RUFY4: variants seen among roughly 807,000 people sequenced by gnomAD.
The protein encoded by RUFY4 is RUN and FYVE domain containing 4, also known as RUN and FYVE domain-containing protein 4.
A neutral mutation model predicts 69.0 loss-of-function variants in RUFY4; 73 were observed. The ratio of observed to expected loss-of-function variants is 1.06; its 90% CI spans 0.88 to 1.29. The LOEUF (loss-of-function observed/expected upper bound fraction) is 1.29. RUFY4 is among the 50% of genes most tolerant of loss of function. The pLI, the probability that RUFY4 is intolerant of heterozygous loss-of-function variation, is 0.00. For missense variants in RUFY4, 770 were observed against 705.6 expected (o/e 1.09, Z -1.03); for synonymous variants, 287 against 271.8 (o/e 1.06, Z -0.55).
At chr2:218,073,967 C>T in intron 6 of RUFY4, 82 bp downstream of exon 8, 1 of 1,370,542 alleles carries the variant, frequency 7.3e-7, no homozygotes, top group Non-Finnish European at 1.0e-6. Flanking sequence ...CTGAGCTTCC[C>T]CCTCCGAGTG....
upstream of RUFY4, among the ~76,000 whole-genome samples, chr2:218,069,872 G>A (rs56025616): frequency 5.6e-4 from 86 of 152,236 alleles, 3 homozygotes; most frequent in Admixed American, 5.0e-3. Context: ...TGGGCCCCAG[G>A]ACCCATGGGG....
chr2:218,072,352 C>T, intron 2 of RUFY4, 22 bp from the exon 5 acceptor site: 1 of 1,536,902 alleles, frequency 6.5e-7, no homozygotes, highest in Non-Finnish European at 8.7e-7. Context: ...TCTACACTTT[C>T]TTTGCCTCAT....
Position 218,070,724 on chromosome 2 carries a change from C to A in RUFY4, c.47-29C>A, listed in dbSNP as rs369602770. ...CAGGGTCTGGGAGCCCCTCCCTCAG[C>A]GACCTGACATCTGCCATCCTCCCAG... On this transcript the variant is annotated intron_variant, in intron 1 of 10. Transcript: ENST00000344321. 1.6e-5 allele frequency: 24 copies of A among 1,534,928 alleles called. No individual in the cohort carries two copies. The East Asian group carries it at 5.1e-4, about 33-fold the overall frequency.
chr2:218,039,983 A>G (rs762260778), intron 2 of RUFY4, among the ~76,000 whole-genome samples: 35 of 139,382 alleles, frequency 2.5e-4, no homozygotes, highest in Non-Finnish European at 3.5e-4. Context: ...ATTGCCCCCA[A>G]TTTGCTCCTA....
chr2:218,036,980 G>A (rs545631592), intron 2 of RUFY4, among the ~76,000 whole-genome samples: 1 of 152,166 alleles, frequency 6.6e-6, no homozygotes, highest in Non-Finnish European at 1.5e-5. Flanking sequence ...AAATTGGATT[G>A]GAGGAATCTA....
chr2:218,072,833 G>A, exon 4 of RUFY4: 3 of 1,536,238 alleles, frequency 2.0e-6, no homozygotes, highest in Non-Finnish European at 2.6e-6. Context: ...CCTGGCCCGT[G>A]GGCAGCTGGC....
At chr2:218,084,692 A>T (rs1689850398) in intron 9 of RUFY4, among the ~76,000 whole-genome samples, 1 of 152,198 alleles carries the variant, frequency 6.6e-6, no homozygotes. Flanking sequence ...TCATGAAAGA[A>T]TTTAAGGTAG....
chr2:218,088,729 G>T (rs1689951711), intron 9 of RUFY4, among the ~76,000 whole-genome samples: 1 of 152,148 alleles, frequency 6.6e-6, no homozygotes, highest in Non-Finnish European at 1.5e-5. Context: ...TCTCTTGCAT[G>T]TGTCTCTCAC....
chr2:218,066,496 A>ACT (rs1437451179), upstream of RUFY4, among the ~76,000 whole-genome samples: 1 of 151,930 alleles, frequency 6.6e-6, no homozygotes, highest in African/African-American at 2.4e-5. Flanking sequence ...TTTCTACAGC[A>ACT]CTCTGCTTTA....
chr2:218,061,784 C>T (rs1220566219), intron 3 of RUFY4, among the ~76,000 whole-genome samples: 1 of 152,194 alleles, frequency 6.6e-6, no homozygotes, highest in Admixed American at 6.5e-5. Flanking sequence ...GCACCTTCAG[C>T]TGTCAAGGCT....
At chr2:218,069,361 G>C (rs1415584971), upstream of RUFY4, 2 of 152,226 alleles carry the variant, frequency 1.3e-5, no homozygotes, top group Non-Finnish European at 2.9e-5. Context: ...GAGTAGCAGG[G>C]AGACCCCTGG....
intron 8 of RUFY4, among the ~76,000 whole-genome samples, chr2:218,082,662 T>C (rs1689788284): frequency 6.6e-6 from 1 of 152,112 alleles, no homozygotes; most frequent in Non-Finnish European, 1.5e-5. Context: ...GTGTTGTGTG[T>C]CTGCATTATG....
In RUFY4 at chr2:218,079,761, G is replaced by A. The variant is rs147700244; in HGVS notation, c.1355+3228G>A. ...CTGGTGATGAGTTCCTCAACACAGA[G>A]AATAGAAGTGCCGAGGGACCCATTC... On this transcript the variant is annotated intron_variant, in intron 8 of 10. Coordinates refer to ENST00000344321, the Ensembl canonical transcript of RUFY4. Among the ~76,000 whole-genome samples, 775 of 152,280 alleles carry A rather than the reference G, an allele frequency of 5.1e-3. 9 individuals are homozygous for A. The highest frequency in any genetic ancestry group is 0.018 in the African/African-American group (734 of 41,554).
intron 2 of RUFY4, among the ~76,000 whole-genome samples, chr2:218,047,360 GTTC>G (rs1574494101): frequency 6.6e-6 from 1 of 151,816 alleles, no homozygotes; most frequent in African/African-American, 2.4e-5. Flanking sequence ...CACAAATAAA[GTTC>G]TTCTTTCATA....
intron 2 of RUFY4, among the ~76,000 whole-genome samples, chr2:218,052,995 T>G (rs1410779374): frequency 6.6e-6 from 1 of 152,138 alleles, no homozygotes; most frequent in Non-Finnish European, 1.5e-5. Context: ...AGGCTCACCC[T>G]GTCACCCAGG....
intron 2 of RUFY4, among the ~76,000 whole-genome samples, chr2:218,039,733 A>G (rs1046276793): frequency 5.3e-5 from 8 of 152,192 alleles, no homozygotes; most frequent in African/African-American, 1.9e-4. Context: ...CCCCAGCTCT[A>G]TGGTCTCTCT....
intron 2 of RUFY4, among the ~76,000 whole-genome samples, chr2:218,049,621 C>T (rs1466398026): frequency 6.6e-6 from 1 of 152,022 alleles, no homozygotes; most frequent in Non-Finnish European, 1.5e-5. Context: ...ATTCTCCTGC[C>T]TCAGCCTCCC....
chr2:218,084,919 G>T (rs2106072781), intron 9 of RUFY4, among the ~76,000 whole-genome samples: 2 of 152,170 alleles, frequency 1.3e-5, no homozygotes, highest in Admixed American at 1.3e-4. Context: ...GTGTTAGCGG[G>T]CACCTGTAAT....
chr2:218,039,461 T>C (rs1427504508), intron 2 of RUFY4, among the ~76,000 whole-genome samples: 2 of 152,204 alleles, frequency 1.3e-5, no homozygotes, highest in Non-Finnish European at 2.9e-5. Context: ...GCACTTACTA[T>C]AGTCCCTGAA....
Sources: gnomAD v4.1 joint callset for allele counts (sites outside exome capture counted in the v4.1 genomes callset) on GRCh38, gnomAD v4.1.1 for gene constraint, MANE v1.5 for transcripts, NCBI Gene and HGNC (gene_info 2026-07-23, HGNC 2026-07-21) for gene names.